HS2ST1: variants seen among roughly 807,000 people sequenced by gnomAD.
HS2ST1 encodes 2-O-sulfotransferase.
HS2ST1 carries 18 observed loss-of-function variants against 42.9 expected under a neutral mutation model. That is an observed-to-expected ratio of 0.42 (90% confidence interval 0.29 to 0.62). The LOEUF is 0.62. Ranked by LOEUF, HS2ST1 falls within the 20% of genes least tolerant of loss-of-function variation. The pLI is 0.21. For synonymous variants in HS2ST1, 146 were observed against 152.9 expected, an observed-to-expected ratio of 0.95 and a Z score of 0.33; for missense variants, 334 against 433.8, an observed-to-expected ratio of 0.77 and a Z score of 2.04.
chr1:86,948,505 A>G (rs905896624), intron 1 of HS2ST1, among the ~76,000 whole-genome samples: 4 of 152,152 alleles, frequency 2.6e-5, no homozygotes, highest in African/African-American at 9.7e-5. Context: ...TAGTAATGAA[A>G]TTTTCAAAGT....
intron 1 of HS2ST1, among the ~76,000 whole-genome samples, chr1:87,000,904 T>C (rs1319613166): frequency 6.6e-6 from 1 of 152,170 alleles, no homozygotes; most frequent in African/African-American, 2.4e-5. Flanking sequence ...ATGCCTACTG[T>C]TCTAGAGATA....
chr1:86,978,102 C>CA (rs1163445533), intron 1 of HS2ST1, among the ~76,000 whole-genome samples: 3 of 152,162 alleles, frequency 2.0e-5, no homozygotes, highest in Non-Finnish European at 2.9e-5. Flanking sequence ...AGTACAGTAA[C>CA]ATGCTGTATA....
intron 1 of HS2ST1, among the ~76,000 whole-genome samples, chr1:86,936,281 G>A (rs1660652169): frequency 6.6e-6 from 1 of 151,958 alleles, no homozygotes. Flanking sequence ...TTTTAGGGAT[G>A]TAATTTTCTC....
chr1:87,022,540 G>A (rs1193782298), intron 1 of HS2ST1, among the ~76,000 whole-genome samples: 2 of 152,168 alleles, frequency 1.3e-5, no homozygotes, highest in South Asian at 4.2e-4. Context: ...ATGTTAAATG[G>A]CTAAGTACAT....
chr1:87,084,327 A>G (rs1651764372), intron 3 of HS2ST1, 48 bp downstream of exon 3: 1 of 1,016,976 alleles, frequency 9.8e-7, no homozygotes, highest in Non-Finnish European at 1.5e-6. Context: ...GTACTCTAGT[A>G]ACCTAAAAAG....
At chr1:86,996,469 A>C (rs1252180032) in intron 1 of HS2ST1, among the ~76,000 whole-genome samples, 1 of 144,546 alleles carries the variant, frequency 6.9e-6, no homozygotes. Flanking sequence ...AAAAAGTAAC[A>C]GAAGTATGGC....
chr1:87,073,541 A>G (rs1387914310), intron 2 of HS2ST1, among the ~76,000 whole-genome samples: 2 of 152,130 alleles, frequency 1.3e-5, no homozygotes, highest in Non-Finnish European at 2.9e-5. Context: ...CTTGTATTCA[A>G]TTTTGTGACC....
intron 1 of HS2ST1, among the ~76,000 whole-genome samples, chr1:86,939,785 T>C (rs924364306): frequency 2.6e-5 from 4 of 152,214 alleles, no homozygotes; most frequent in Non-Finnish European, 5.9e-5. Flanking sequence ...TAAAATGATA[T>C]TCTTGAGTTT....
chr1:87,050,245 A>G (rs1285243350), intron 1 of HS2ST1, among the ~76,000 whole-genome samples: 1 of 151,972 alleles, frequency 6.6e-6, no homozygotes, highest in Non-Finnish European at 1.5e-5. Context: ...TAATTAGTAC[A>G]TTATCTTTTA....
At chr1:87,078,615 G>A (rs2100639622) in intron 2 of HS2ST1, among the ~76,000 whole-genome samples, 1 of 152,264 alleles carries the variant, frequency 6.6e-6, no homozygotes, top group East Asian at 1.9e-4. Context: ...AGTGTCTTCA[G>A]TCTCCTTAAC....
intron 1 of HS2ST1, among the ~76,000 whole-genome samples, chr1:87,070,658 C>T (rs1651378995): frequency 6.6e-6 from 1 of 152,116 alleles, no homozygotes; most frequent in African/African-American, 2.4e-5. Flanking sequence ...AAGACAACTT[C>T]CAAATCTTGT....
chr1:86,961,774 C>A (rs1250533746), intron 1 of HS2ST1, among the ~76,000 whole-genome samples: 1 of 152,104 alleles, frequency 6.6e-6, no homozygotes, highest in African/African-American at 2.4e-5. Context: ...CCTAACCTCC[C>A]CCTAAGCAGG....
At chr1:87,022,370 G>C (rs1649974405) in intron 1 of HS2ST1, among the ~76,000 whole-genome samples, 1 of 151,984 alleles carries the variant, frequency 6.6e-6, no homozygotes, top group East Asian at 1.9e-4. Flanking sequence ...TTCTGCCATA[G>C]TTCAACATAT....
intron 1 of HS2ST1, among the ~76,000 whole-genome samples, chr1:87,037,053 C>G (rs1232290315): frequency 6.6e-6 from 1 of 152,018 alleles, no homozygotes; most frequent in Non-Finnish European, 1.5e-5. Context: ...AAGTGAATAT[C>G]ATAAATCAAT....
At chr1:87,103,755 G>A (rs1652270975) in intron 6 of HS2ST1, among the ~76,000 whole-genome samples, 166 bp downstream of exon 6, 1 of 152,166 alleles carries the variant, frequency 6.6e-6, no homozygotes, top group Non-Finnish European at 1.5e-5. Context: ...GAGTAACTGT[G>A]AATTAGGTGA....
chr1:87,067,235 T>C (rs1446100036), intron 1 of HS2ST1, among the ~76,000 whole-genome samples: 5 of 152,240 alleles, frequency 3.3e-5, no homozygotes, highest in Non-Finnish European at 7.3e-5. Context: ...CAGCATCTCT[T>C]GTTTCCTGAC....
intron 1 of HS2ST1, among the ~76,000 whole-genome samples, chr1:86,991,338 A>G (rs544467903): frequency 6.6e-6 from 1 of 152,300 alleles, no homozygotes; most frequent in East Asian, 1.9e-4. Context: ...TAGGGTTCCC[A>G]CATGGTCAGA....
chr1:87,064,899 G>T (rs1651209675), intron 1 of HS2ST1, among the ~76,000 whole-genome samples: 1 of 152,304 alleles, frequency 6.6e-6, no homozygotes, highest in Non-Finnish European at 1.5e-5. Context: ...CTCAGCTCAA[G>T]TAAGTGATCT....
At chr1:87,013,769 T>G (rs1470009495) in intron 1 of HS2ST1, among the ~76,000 whole-genome samples, 1 of 152,214 alleles carries the variant, frequency 6.6e-6, no homozygotes, top group African/African-American at 2.4e-5. Flanking sequence ...TAAAGCTGAA[T>G]GCATTTAACA....
Sources: allele counts gnomAD v4.1 joint callset (sites outside exome capture counted in the v4.1 genomes callset), GRCh38; gene constraint gnomAD v4.1.1; transcripts MANE v1.5; gene names NCBI Gene and HGNC (gene_info 2026-07-23, HGNC 2026-07-21).